The following FAM120A variants were observed in gnomAD, a reference collection of about 807,000 sequenced individuals.
The protein encoded by FAM120A is family with sequence similarity 120 member A, also known as constitutive coactivator of PPAR-gamma-like protein 1.
In FAM120A, 15 loss-of-function variants were observed where a neutral mutation model predicts 109.7. That is an observed-to-expected ratio of 0.14 (90% CI 0.09 to 0.21). FAM120A has a LOEUF of 0.21. FAM120A is among the 10% of genes least tolerant of loss of function. FAM120A has a pLI of 1.00. For synonymous variants in FAM120A, 493 were observed against 572.8 expected (o/e 0.86, Z 1.99); for missense variants, 899 against 1,439.3 (o/e 0.62, Z 6.07).
rs1417312872 is a variant in FAM120A, at chr9:93,543,492, C to G, written c.2159+21C>G. 8.7e-6 allele frequency: 14 copies of G among 1,607,184 alleles called. No individual in the cohort carries two copies. In the Admixed American group the frequency reaches 2.0e-4, roughly 23 times the overall value. On this transcript the variant is annotated intron_variant, in intron 11 of 17. Coordinates refer to ENST00000277165, the MANE Select transcript of FAM120A (RefSeq NM_014612.5). Reference sequence around the variant, plus strand: ...TTACGGTGGGTGCCATGCATGGGAGCTGGGACCTGGGTCCCCGCCAGGTGT... The same window carrying G: ...TTACGGTGGGTGCCATGCATGGGAGGTGGGACCTGGGTCCCCGCCAGGTGT...
intron 3 of FAM120A, among the ~76,000 whole-genome samples, chr9:93,486,448 A>G (rs1048239639): frequency 6.6e-6 from 1 of 151,692 alleles, no homozygotes; most frequent in Non-Finnish European, 1.5e-5. Flanking sequence ...TTCATTTTCC[A>G]TGTGTATATG....
At chr9:93,502,596 A>G (rs1023596210) in intron 5 of FAM120A, among the ~76,000 whole-genome samples, 15 of 150,812 alleles carry the variant, frequency 9.9e-5, no homozygotes, top group South Asian at 2.1e-4. Context: ...ACACACACAC[A>G]CACGCACACT....
intron 7 of FAM120A, among the ~76,000 whole-genome samples, chr9:93,517,499 A>G (rs1270497061): frequency 6.6e-6 from 1 of 152,204 alleles, no homozygotes; most frequent in Non-Finnish European, 1.5e-5. Flanking sequence ...ATGGTCTTGG[A>G]AGCCCTTATG....
intron 3 of FAM120A, among the ~76,000 whole-genome samples, chr9:93,493,002 T>A (rs1284268536): frequency 6.6e-6 from 1 of 152,200 alleles, no homozygotes; most frequent in Non-Finnish European, 1.5e-5. Context: ...CAGGAGGCCC[T>A]GCACCTTCTC....
At chr9:93,541,035 T>G (rs969237544) in intron 10 of FAM120A, among the ~76,000 whole-genome samples, 5 of 150,248 alleles carry the variant, frequency 3.3e-5, no homozygotes, top group Non-Finnish European at 5.9e-5. Flanking sequence ...ATGCTCTGTG[T>G]GTGGGGTATG....
In FAM120A at chr9:93,564,233, G is replaced by C; in HGVS notation, c.3050G>C (p.Arg1017Thr). Residue 1017 changes from arginine (R) to threonine (T), a missense_variant, in exon 18 of 18, where the codon AGA (arginine) becomes ACA (threonine). Arg to Thr is a moderately conservative substitution (Grantham distance 71, BLOSUM62 -1). Around this residue, in one of 11 missense-constraint regions of FAM120A, gnomAD observed 170 missense variants for 205.0 expected, o/e 0.83. Coordinates refer to ENST00000277165, the MANE Select transcript of FAM120A (RefSeq NM_014612.5). Reference protein sequence around the residue: ...GYKNQAAIQGRPPYAASAEEV... With the variant: ...GYKNQAAIQGTPPYAASAEEV... ...GTTGTCCTTCATTTTAAACAGGGCA[G>C]ACCTCCTTATGCTGCTTCAGCAGAA... 1 of 1,608,350 alleles carries C rather than the reference G, an allele frequency of 6.2e-7. No homozygotes were observed. Among genetic ancestry groups the C allele is most frequent in the Non-Finnish European group, 8.5e-7 (1 of 1,175,024 alleles).
intron 11 of FAM120A, 134 bp downstream of exon 11, chr9:93,543,605 A>G (rs561811518): frequency 2.4e-5 from 27 of 1,146,982 alleles, no homozygotes; most frequent in Non-Finnish European, 2.8e-5. Flanking sequence ...TTGTCATCCC[A>G]TATTTATATA....
At chr9:93,481,192 C>T (rs1288914772) in intron 3 of FAM120A, among the ~76,000 whole-genome samples, 1 of 152,204 alleles carries the variant, frequency 6.6e-6, no homozygotes, top group Non-Finnish European at 1.5e-5. Flanking sequence ...GGGCAGGGCC[C>T]CCTGGCTGTA....
intron 9 of FAM120A, among the ~76,000 whole-genome samples, chr9:93,531,823 C>G (rs1316190967): frequency 1.3e-5 from 2 of 152,194 alleles, no homozygotes; most frequent in Non-Finnish European, 1.5e-5. Context: ...GTTGCGAGTT[C>G]TCAGTCTTTT....
At chr9:93,470,623 G>A (rs1858267706) in intron 1 of FAM120A, among the ~76,000 whole-genome samples, 1 of 152,124 alleles carries the variant, frequency 6.6e-6, no homozygotes. Context: ...GGCCTTAGGA[G>A]GATAAGAACT....
At chr9:93,538,656 G>A (rs576067487) in intron 10 of FAM120A, among the ~76,000 whole-genome samples, 38 of 152,308 alleles carry the variant, frequency 2.5e-4, no homozygotes, top group African/African-American at 8.2e-4. Flanking sequence ...CTAATTAATG[G>A]TCAAGCTGTG....
chr9:93,452,906 G>A lies in FAM120A; in HGVS notation c.474+517G>A. 2.1e-6 allele frequency: 3 copies of A among 1,436,308 alleles called. No individual in the cohort carries two copies. The highest frequency in any genetic ancestry group is 2.7e-6 in the Non-Finnish European group (3 of 1,103,070). 89.0% of individuals were successfully genotyped at this position (1,436,308 alleles called of 1,614,324 possible). A position where few individuals can be genotyped will look rare whatever the true frequency, so the allele number is the denominator to read the frequency against. ...GCCGCCGCCCTTGCCAATGTTGTTA[G>A]CCCGGTGACAGCGAGACGTGTCTAA... On this transcript the variant is annotated intron_variant, in intron 1 of 17. Transcript: ENST00000277165. This position sits in a 1 kb window ranked among gnomAD's most constrained non-coding sequence, Gnocchi z 7.0.
chr9:93,527,687 A>T (rs1011486943), intron 8 of FAM120A, among the ~76,000 whole-genome samples: 1 of 117,890 alleles, frequency 8.5e-6, no homozygotes, highest in African/African-American at 3.2e-5. Context: ...CAGTGGCGTG[A>T]TCTCAGCTCA....
At chr9:93,521,913 T>C (rs903066572) in intron 7 of FAM120A, among the ~76,000 whole-genome samples, 1 of 152,128 alleles carries the variant, frequency 6.6e-6, no homozygotes, top group Non-Finnish European at 1.5e-5. Context: ...ACCCTTTCTC[T>C]ACCAAAAAAT....
chr9:93,494,829 G>T (rs534605804), intron 3 of FAM120A, among the ~76,000 whole-genome samples: 1 of 152,162 alleles, frequency 6.6e-6, no homozygotes, highest in Admixed American at 6.5e-5. Context: ...GAGTGATCGA[G>T]GACTGGCCTC....
chr9:93,533,506 T>G (rs966538503), intron 10 of FAM120A, among the ~76,000 whole-genome samples: 1 of 152,228 alleles, frequency 6.6e-6, no homozygotes, highest in Non-Finnish European at 1.5e-5. Context: ...GGAGATACCA[T>G]GTGGAACAAT....
intron 1 of FAM120A, among the ~76,000 whole-genome samples, chr9:93,461,041 G>A (rs1433348552): frequency 6.6e-6 from 1 of 152,170 alleles, no homozygotes; most frequent in Non-Finnish European, 1.5e-5. Flanking sequence ...AGGGGACAGT[G>A]TAAAAGAGTT....
Position 93,532,250 on chromosome 9 carries a change from C to T in FAM120A, c.1830C>T (p.Tyr610=), listed in dbSNP as rs754261723. ...LLYRPVRQYV[Y]GVLFSLAESR... ...ATAGGCCAGTTCGTCAGTATGTTTA[C>T]GGAGTCCTGTTTAGTTTGGCAGAAA... The change falls in exon 10 of 18, where the codon TAC becomes TAT. Residue 610 remains tyrosine (Y), a synonymous_variant. Coordinates refer to ENST00000277165, the MANE Select transcript of FAM120A (RefSeq NM_014612.5). The surrounding 1 kb of genome is among the most constrained non-coding windows in gnomAD (Gnocchi z 4.3). The T allele has an allele frequency of 5.8e-5, 93 of 1,614,102 alleles. No individual in the cohort carries two copies. The highest frequency in any genetic ancestry group is 8.8e-5 in the South Asian group (8 of 91,090).
At chr9:93,526,033 C>T (rs1261583103) in intron 7 of FAM120A, among the ~76,000 whole-genome samples, 1 of 152,218 alleles carries the variant, frequency 6.6e-6, no homozygotes, top group East Asian at 1.9e-4. Context: ...TAAAACCTCT[C>T]CATCTGTCAT....
Sources: gnomAD v4.1 joint callset for allele counts (sites outside exome capture counted in the v4.1 genomes callset) on GRCh38, gnomAD v4.1.1 for gene constraint, gnomAD v4.1.1 regional missense constraint, Gnocchi (gnomAD v3.1) non-coding constraint, MANE v1.5 for transcripts, NCBI Gene and HGNC (gene_info 2026-07-23, HGNC 2026-07-21) for gene names.